LEKR1: variants seen among roughly 807,000 people sequenced by gnomAD.
The protein encoded by LEKR1 is protein LEKR1.
In LEKR1, 59 loss-of-function variants were observed where a neutral mutation model predicts 72.4. The observed-to-expected ratio is 0.82, with a 90% CI of 0.66 to 1.01. LEKR1 has a LOEUF of 1.01. Ranked by LOEUF, LEKR1 falls within the 50% of genes least tolerant of loss-of-function variation. The probability of loss-of-function intolerance (pLI) is 0.00; values close to 1 mark genes in which losing one functional copy is unlikely to be tolerated. For missense variants in LEKR1, 728 were observed against 759.2 expected (o/e 0.96, Z 0.48); for synonymous variants, 257 against 263.2 (o/e 0.98, Z 0.23).
chr3:157,027,510 T>A (rs1159586942), intron 11 of LEKR1, among the ~76,000 whole-genome samples: 2 of 152,060 alleles, frequency 1.3e-5, no homozygotes, highest in Non-Finnish European at 2.9e-5. Context: ...AGTCCCCTGA[T>A]CTACTTGTCA....
Position 157,004,331 on chromosome 3 carries a change from A to G in LEKR1, c.1110-7082A>G, listed in dbSNP as rs182566822. ...AACAGACCTTAAAAATACAGGAAGC[A>G]AAAACTGGATGGAATTCCAAGAAGT... On this transcript the variant is annotated intron_variant, in intron 9 of 12. Coordinates refer to ENST00000356539, the MANE Select transcript of LEKR1 (RefSeq NM_001004316.3). 2.7e-4 allele frequency among the ~76,000 whole-genome samples: 41 copies of G among 152,300 alleles called. No homozygotes were observed. The East Asian group carries it at 6.7e-3, about 25-fold the overall frequency.
intron 6 of LEKR1, 41 bp downstream of exon 6, chr3:156,942,755 T>C: frequency 1.2e-6 from 1 of 856,426 alleles, no homozygotes; most frequent in South Asian, 1.5e-5. Flanking sequence ...ACTAGTTATA[T>C]AAGTACATGA....
At chr3:156,846,130 C>G (rs1479290216) in intron 2 of LEKR1, among the ~76,000 whole-genome samples, 2 of 152,040 alleles carry the variant, frequency 1.3e-5, no homozygotes, top group Non-Finnish European at 2.9e-5. Context: ...CAGGTGCTCA[C>G]TGGGTATATA....
chr3:157,024,884 T>A lies in LEKR1; in HGVS notation c.1328T>A (p.Ile443Asn). ...GAAAAAGAAAAACACCAAGATGTAATCCAAAAGTATAAGAAAGAACAAGAG... is the reference window on the plus strand; with the variant it reads ...GAAAAAGAAAAACACCAAGATGTAAACCAAAAGTATAAGAAAGAACAAGAG... ...DIEKEKHQDVIQKYKKEQEEL... is the reference protein window; with the variant it reads ...DIEKEKHQDVNQKYKKEQEEL... Residue 443 changes from isoleucine (I) to asparagine (N), a missense_variant, in exon 11 of 13, where the codon ATC becomes AAC. Ile to Asn is a moderately radical substitution (Grantham distance 149, BLOSUM62 -3). Transcript: ENST00000356539. 1 of 1,605,392 alleles carries A rather than the reference T, an allele frequency of 6.2e-7. No homozygotes were observed. Among genetic ancestry groups the A allele is most frequent in the Non-Finnish European group, 8.5e-7 (1 of 1,174,292 alleles).
At chr3:156,926,773 A>G (rs1386949519) in intron 4 of LEKR1, among the ~76,000 whole-genome samples, 1 of 151,996 alleles carries the variant, frequency 6.6e-6, no homozygotes, top group East Asian at 1.9e-4. Context: ...CCTCTGCCTT[A>G]TAGATCTTAG....
chr3:156,852,719 GT>G, intron 2 of LEKR1, 48 bp from the exon 3 acceptor site: 1 of 936,552 alleles, frequency 1.1e-6, no homozygotes, highest in South Asian at 1.8e-5. Context: ...AGTTGAACTT[GT>G]TTTTTCAGAA....
intron 6 of LEKR1, among the ~76,000 whole-genome samples, chr3:156,960,566 G>A (rs1368379354): frequency 6.6e-6 from 1 of 152,106 alleles, no homozygotes; most frequent in Admixed American, 6.5e-5. Flanking sequence ...GATTACAGGC[G>A]TGAGCCACCA....
At chr3:156,836,309 C>T (rs183717611) in intron 2 of LEKR1, among the ~76,000 whole-genome samples, 1 of 152,062 alleles carries the variant, frequency 6.6e-6, no homozygotes, top group East Asian at 1.9e-4. Context: ...ACAGGTTTTT[C>T]CCTAAATGGG....
intron 9 of LEKR1, among the ~76,000 whole-genome samples, chr3:157,006,754 AAAG>A (rs1443027628): frequency 1.3e-5 from 2 of 152,380 alleles, no homozygotes; most frequent in African/African-American, 4.8e-5. Flanking sequence ...CAGACCAAAA[AAAG>A]AATATACTGT....
intron 9 of LEKR1, among the ~76,000 whole-genome samples, chr3:157,004,898 C>T (rs377114868): frequency 9.2e-5 from 14 of 151,606 alleles, no homozygotes; most frequent in East Asian, 1.9e-4. Flanking sequence ...GAAAAACAGA[C>T]GAGGAAAAAA....
At chr3:156,943,754 T>A (rs1726440810) in intron 6 of LEKR1, among the ~76,000 whole-genome samples, 1 of 151,872 alleles carries the variant, frequency 6.6e-6, no homozygotes, top group South Asian at 2.1e-4. Context: ...GAGTCTTTAA[T>A]GATGGGAGCA....
chr3:156,838,527 G>C (rs1234299884), intron 2 of LEKR1, among the ~76,000 whole-genome samples: 2 of 152,154 alleles, frequency 1.3e-5, no homozygotes, highest in Non-Finnish European at 2.9e-5. Flanking sequence ...CAAGACACTT[G>C]AAGGAGCAGA....
chr3:156,972,980 G>T (rs1363489130), intron 6 of LEKR1, among the ~76,000 whole-genome samples: 2 of 152,062 alleles, frequency 1.3e-5, no homozygotes, highest in South Asian at 2.1e-4. Flanking sequence ...TACAAATAGA[G>T]TAGGTGTTTA....
rs979498863 is a variant in LEKR1 at position 156,952,951 on chromosome 3, AC to A, written c.745+10238del. Among the ~76,000 whole-genome samples, 15 of 151,490 alleles carry A rather than the reference AC, an allele frequency of 9.9e-5. No individual in the cohort carries two copies. The Admixed American group carries it at 9.9e-4, about 10-fold the overall frequency. On this transcript the variant is annotated intron_variant, in intron 6 of 12. Coordinates refer to ENST00000356539, the MANE Select transcript of LEKR1 (RefSeq NM_001004316.3). ...AGAGAGCTCCAAACTATATTGTCAA[AC>A]AAAGAAAGGAAGATACATAACATTG...
intron 3 of LEKR1, among the ~76,000 whole-genome samples, chr3:156,878,954 T>G (rs983433122): frequency 2.6e-5 from 4 of 152,308 alleles, no homozygotes; most frequent in Admixed American, 2.6e-4. Context: ...TCGCTGTGAT[T>G]AAACAGTCCA....
chr3:157,030,695 G>A (rs913079859), intron 12 of LEKR1, among the ~76,000 whole-genome samples: 22 of 152,274 alleles, frequency 1.4e-4, no homozygotes, highest in Admixed American at 1.4e-3. Context: ...GAGTGTCTCT[G>A]GTTTAGAGGC....
intron 6 of LEKR1, among the ~76,000 whole-genome samples, chr3:156,947,276 A>T (rs1413060324): frequency 1.3e-5 from 2 of 151,142 alleles, no homozygotes; most frequent in Admixed American, 1.3e-4. Context: ...GCTGGATCCC[A>T]TAGGTTTTGC....
At position 156,865,807 on chromosome 3, in the gene LEKR1, G is replaced by A. The variant is rs4680309; in HGVS notation, c.263+12825G>A. 5.5e-3 allele frequency among the ~76,000 whole-genome samples: 843 copies of A among 152,010 alleles called. 1 individual carries two copies. The highest frequency in any genetic ancestry group is 8.9e-3 in the Non-Finnish European group (608 of 67,940). On this transcript the variant is annotated intron_variant, in intron 3 of 12. Coordinates refer to ENST00000356539, the MANE Select transcript of LEKR1 (RefSeq NM_001004316.3). Reference sequence around the variant, plus strand: ...TCACTCTCTTTCAGTCACCTTACACGTTTTTTCCTGTTTTCTAAGAGATTA... The same window carrying A: ...TCACTCTCTTTCAGTCACCTTACACATTTTTTCCTGTTTTCTAAGAGATTA...
chr3:156,843,021 C>G (rs1356962465), intron 2 of LEKR1, among the ~76,000 whole-genome samples: 1 of 152,184 alleles, frequency 6.6e-6, no homozygotes, highest in African/African-American at 2.4e-5. Flanking sequence ...AATCTGTTCT[C>G]TCTCCAGGCT....
Sources: allele counts gnomAD v4.1 joint callset (sites outside exome capture counted in the v4.1 genomes callset), GRCh38; gene constraint gnomAD v4.1.1; transcripts MANE v1.5; gene names NCBI Gene and HGNC (gene_info 2026-07-23, HGNC 2026-07-21).